COP1: variants seen among roughly 807,000 people sequenced by gnomAD.
COP1 encodes E3 ubiquitin-protein ligase COP1.
Under a neutral mutation model 101.3 loss-of-function variants are expected in COP1, and 24 were observed. The observed-to-expected ratio is 0.24, with a 90% CI of 0.17 to 0.33. The LOEUF (loss-of-function observed/expected upper bound fraction) is 0.33, where lower values mean the gene tolerates loss of function less well. COP1 is among the 10% of genes least tolerant of loss of function. The pLI is 1.00. For missense variants in COP1, 663 were observed against 906.2 expected (o/e 0.73, Z 3.45); for synonymous variants, 347 against 341.9 (o/e 1.01, Z -0.17).
At chr1:176,045,367 T>G (rs1293706253) in intron 12 of COP1, among the ~76,000 whole-genome samples, 1 of 152,022 alleles carries the variant, frequency 6.6e-6, no homozygotes, top group South Asian at 2.1e-4. Context: ...TTTTTATAAA[T>G]GAACTAGAAA....
At chr1:175,974,922 CAAA>C (rs34306335) in intron 18 of COP1, among the ~76,000 whole-genome samples, 12 of 91,244 alleles carry the variant, frequency 1.3e-4, no homozygotes, top group Non-Finnish European at 2.0e-4. Context: ...GACCCTGTCT[CAAA>C]AAAAAAAAAA....
At chr1:176,202,076 T>G (rs1700316299) in intron 1 of COP1, among the ~76,000 whole-genome samples, 1 of 152,156 alleles carries the variant, frequency 6.6e-6, no homozygotes, top group Non-Finnish European at 1.5e-5. Flanking sequence ...TTCAGTGACT[T>G]TAAAAAAAAT....
At chr1:175,992,885 A>C (rs992123487) in intron 15 of COP1, among the ~76,000 whole-genome samples, 95 of 152,270 alleles carry the variant, frequency 6.2e-4, no homozygotes, top group Non-Finnish European at 1.2e-3. Context: ...CTTTGAAGAG[A>C]GCAGTGGTTC....
chr1:176,079,836 T>A lies in COP1; in HGVS notation c.1277+1316A>T, dbSNP rs188418588. ...TTAGTCCATTCTCTCCATTTTCCTGTATAAATTTTCATTAAACATTTCAAA... is the reference window on the plus strand; with the variant it reads ...TTAGTCCATTCTCTCCATTTTCCTGAATAAATTTTCATTAAACATTTCAAA... On this transcript the variant is annotated intron_variant, in intron 11 of 19. Transcript: ENST00000367669. Among the ~76,000 whole-genome samples, 399 of 152,290 alleles carry A rather than the reference T, an allele frequency of 2.6e-3. 3 individuals are homozygous for A. Among genetic ancestry groups the A allele is most frequent in the African/African-American group, 9.2e-3 (381 of 41,562 alleles).
At chr1:175,956,627 T>C (rs1316917214) in intron 18 of COP1, among the ~76,000 whole-genome samples, 1 of 152,170 alleles carries the variant, frequency 6.6e-6, no homozygotes, top group Non-Finnish European at 1.5e-5. Context: ...AATGGAATGA[T>C]TTTAGGATGC....
intron 9 of COP1, among the ~76,000 whole-genome samples, chr1:176,092,119 G>T (rs1681440980): frequency 6.6e-6 from 1 of 151,978 alleles, no homozygotes; most frequent in Non-Finnish European, 1.5e-5. Flanking sequence ...TAACACAATG[G>T]GAGATAAATC....
chr1:176,150,509 G>T (rs780497621), intron 5 of COP1, among the ~76,000 whole-genome samples: 10 of 152,136 alleles, frequency 6.6e-5, no homozygotes, highest in Admixed American at 2.6e-4. Flanking sequence ...CAACAATGAC[G>T]ACAAAGCATC....
intron 18 of COP1, among the ~76,000 whole-genome samples, chr1:175,962,445 A>G (rs977429677): frequency 3.3e-5 from 5 of 152,164 alleles, no homozygotes; most frequent in African/African-American, 4.8e-5. Context: ...CATCACTCCT[A>G]GAAGCTCAAA....
chr1:176,148,987 AAC>A lies in COP1; in HGVS notation c.831+17_831+18del. The A allele has an allele frequency of 6.8e-7, 1 of 1,476,278 alleles. No homozygotes were observed. Among genetic ancestry groups the A allele is most frequent in the East Asian group, 2.3e-5 (1 of 42,778 alleles). The allele number at this position is 1,476,278 out of a possible 1,614,324, so 91.4% of individuals were successfully genotyped here. A position where few individuals can be genotyped will look rare whatever the true frequency, so the allele number is the denominator to read the frequency against. On this transcript the variant is annotated intron_variant, in intron 6 of 19. Transcript: ENST00000367669. ...CAATAGTAAATAAAACATTATGTAA[AAC>A]ACACAAAATAATATACCTCTCTCTT...
intron 15 of COP1, among the ~76,000 whole-genome samples, chr1:176,013,204 T>C (rs1048637176): frequency 2.8e-4 from 43 of 152,172 alleles, no homozygotes; most frequent in Non-Finnish European, 1.0e-4. Context: ...CTAAATGTTT[T>C]TGATCCAAGG....
chr1:176,004,670 A>T (rs1172995951), intron 15 of COP1, among the ~76,000 whole-genome samples: 12 of 150,706 alleles, frequency 8.0e-5, no homozygotes, highest in Middle Eastern at 3.4e-3. Flanking sequence ...ATTTGTGTGT[A>T]TTGAACCAGC....
chr1:176,164,398 T>C (rs912342796), intron 3 of COP1, among the ~76,000 whole-genome samples: 1 of 152,226 alleles, frequency 6.6e-6, no homozygotes, highest in Non-Finnish European at 1.5e-5. Flanking sequence ...CAGACTGCCA[T>C]ATAACTTTCA....
At chr1:176,135,283 C>A (rs1404876350) in intron 7 of COP1, among the ~76,000 whole-genome samples, 197 bp from the exon 8 acceptor site, 1 of 152,048 alleles carries the variant, frequency 6.6e-6, no homozygotes, top group South Asian at 2.1e-4. Context: ...AAGCCTTTTC[C>A]ATGGTACACA....
chr1:176,076,802 C>T lies in COP1; in HGVS notation c.1277+4350G>A, dbSNP rs575345004. Reference sequence around the variant, plus strand: ...ACAAAGATGACGTTACAACCAATACCACAGAAATACAAAAGATTCTCAGAG... The same window carrying T: ...ACAAAGATGACGTTACAACCAATACTACAGAAATACAAAAGATTCTCAGAG... On this transcript the variant is annotated intron_variant, in intron 11 of 19. Transcript: ENST00000367669. 5.9e-5 allele frequency among the ~76,000 whole-genome samples: 9 copies of T among 152,006 alleles called. No individual in the cohort carries two copies. In the East Asian group the frequency reaches 1.7e-3, roughly 29 times the overall value.
intron 10 of COP1, among the ~76,000 whole-genome samples, chr1:176,084,382 G>T (rs1317115379): frequency 1.3e-5 from 2 of 152,146 alleles, no homozygotes; most frequent in Admixed American, 1.3e-4. Context: ...AACATTCCAT[G>T]CCCATGGATA....
intron 2 of COP1, among the ~76,000 whole-genome samples, chr1:176,180,424 A>G (rs573752120): frequency 4.6e-5 from 7 of 152,332 alleles, no homozygotes; most frequent in East Asian, 1.9e-4. Flanking sequence ...TAAGAGAAGG[A>G]TAAGTATCTA....
chr1:176,158,819 T>C (rs1693869245), intron 5 of COP1, among the ~76,000 whole-genome samples: 1 of 151,966 alleles, frequency 6.6e-6, no homozygotes, highest in Non-Finnish European at 1.5e-5. Context: ...TTTTGTATTT[T>C]TAGTAGAGAC....
intron 11 of COP1, among the ~76,000 whole-genome samples, chr1:176,057,486 C>T (rs914839329): frequency 6.6e-6 from 1 of 152,206 alleles, no homozygotes; most frequent in Admixed American, 6.5e-5. Context: ...AGGCGCGCGC[C>T]GCCACGCCTG....
At chr1:176,178,482 C>T (rs902101972) in intron 2 of COP1, among the ~76,000 whole-genome samples, 1 of 151,918 alleles carries the variant, frequency 6.6e-6, no homozygotes, top group African/African-American at 2.4e-5. Context: ...CACAGCGAGA[C>T]TCTGTCTCAA....
Sources: allele counts gnomAD v4.1 joint callset (sites outside exome capture counted in the v4.1 genomes callset), GRCh38; gene constraint gnomAD v4.1.1; transcripts MANE v1.5; gene names NCBI Gene and HGNC (gene_info 2026-07-23, HGNC 2026-07-21).